Variants in BDH1 observed in about 807,000 individuals in gnomAD.
BDH1 encodes the protein D-beta-hydroxybutyrate dehydrogenase, mitochondrial.
BDH1 carries 30 observed loss-of-function variants against 33.1 expected under a neutral mutation model. The ratio of observed to expected loss-of-function variants is 0.91; its 90% CI spans 0.68 to 1.23. The LOEUF (loss-of-function observed/expected upper bound fraction) is 1.23, where lower values mean the gene tolerates loss of function less well. Among genes scored for constraint, BDH1 ranks in the 50% most tolerant of loss-of-function variants. The pLI, the probability that BDH1 is intolerant of heterozygous loss-of-function variation, is 0.00. For synonymous variants in BDH1, 190 were observed against 183.6 expected (o/e 1.03, Z -0.28); for missense variants, 443 against 464.4 (o/e 0.95, Z 0.42).
chr3:197,556,561 G>C (rs149191631), upstream of BDH1, among the ~76,000 whole-genome samples: 662 of 152,306 alleles, frequency 4.3e-3, 5 homozygotes, highest in African/African-American at 0.015. Flanking sequence ...CCAGCTACTC[G>C]GGAGGCTGAG....
At chr3:197,513,338 A>T (rs1367174523) in intron 7 of BDH1, among the ~76,000 whole-genome samples, 2 of 148,324 alleles carry the variant, frequency 1.3e-5, no homozygotes, top group African/African-American at 5.0e-5. Flanking sequence ...CACTCAGCCC[A>T]TCCAGGTGTG....
At chr3:197,563,601 A>C (rs1717336930) in intron 1 of BDH1, among the ~76,000 whole-genome samples, 1 of 152,244 alleles carries the variant, frequency 6.6e-6, no homozygotes, top group Non-Finnish European at 1.5e-5. Context: ...AGACAAACTC[A>C]TAATTTAGAA....
At chr3:197,512,641 C>A (rs769448086) in intron 7 of BDH1, among the ~76,000 whole-genome samples, 4 of 152,240 alleles carry the variant, frequency 2.6e-5, no homozygotes, top group Non-Finnish European at 4.4e-5. Context: ...ACTCAAAAAC[C>A]AGATCAAGCC....
intron 1 of BDH1, among the ~76,000 whole-genome samples, chr3:197,567,665 G>A (rs1035431768): frequency 3.3e-5 from 5 of 152,132 alleles, no homozygotes; most frequent in South Asian, 2.1e-4. Context: ...CTCAACCTTC[G>A]CAAAATAAAC....
chr3:197,570,680 T>C (rs1461343821), intron 1 of BDH1, among the ~76,000 whole-genome samples: 4 of 152,174 alleles, frequency 2.6e-5, no homozygotes, highest in South Asian at 2.1e-4. Context: ...AAGTCAAGAA[T>C]TGAGGATTGG....
chr3:197,516,566 A>G lies in BDH1; in HGVS notation c.410-2150T>C, dbSNP rs1712749666. ...ACATCCCCAAGATCGCCTCCGCACCAGTGGCCCCTCAGTTCTCCTTGGGAG... is the reference window on the plus strand; with the variant it reads ...ACATCCCCAAGATCGCCTCCGCACCGGTGGCCCCTCAGTTCTCCTTGGGAG... On this transcript the variant is annotated intron_variant, in intron 6 of 7. Coordinates refer to ENST00000392379, the MANE Select transcript of BDH1 (RefSeq NM_203314.3). The surrounding 1 kb of genome is among the most constrained non-coding windows in gnomAD (Gnocchi z 4.2). Among the ~76,000 whole-genome samples the G allele has an allele frequency of 6.6e-6, 1 of 152,002 alleles. No individual in the cohort carries two copies. The highest frequency in any genetic ancestry group is 6.6e-5 in the Admixed American group (1 of 15,256).
At chr3:197,532,637 G>A (rs1579935952) in intron 4 of BDH1, 115 bp from the exon 5 acceptor site, 2 of 709,970 alleles carry the variant, frequency 2.8e-6, no homozygotes, top group East Asian at 2.7e-5. Context: ...CCCAAGCCTG[G>A]CCCTCCCTAC....
intron 2 of BDH1, among the ~76,000 whole-genome samples, chr3:197,553,644 C>A (rs13062106): frequency 0.034 from 5,170 of 151,990 alleles, 139 homozygotes; most frequent in Non-Finnish European, 0.049. Flanking sequence ...AGAGCAGAAG[C>A]AGGGAGACCC....
upstream of BDH1, among the ~76,000 whole-genome samples, chr3:197,557,192 C>T (rs1445449288): frequency 6.6e-6 from 1 of 152,202 alleles, no homozygotes; most frequent in African/African-American, 2.4e-5. The surrounding 1 kb of genome is among the most constrained non-coding windows in gnomAD (Gnocchi z 4.6). Context: ...CTCATGTCTC[C>T]CTAAAATGTA....
rs1711954840 is a variant in BDH1, at chr3:197,510,904, T to C, written c.*991A>G. ...CTTATCCCCTTAGCCAGAGAGCACC[T>C]CCACACAAGTCTATCCTGAGTCCTA... On this transcript the variant is annotated 3_prime_UTR_variant, in exon 8 of 8. Coordinates refer to ENST00000392379, the MANE Select transcript of BDH1 (RefSeq NM_203314.3). 1 of 152,030 alleles carries C rather than the reference T, an allele frequency of 6.6e-6. No individual in the cohort carries two copies. The highest frequency in any genetic ancestry group is 2.4e-5 in the African/African-American group (1 of 41,254). 9.4% of individuals were successfully genotyped at this position (152,030 alleles called of 1,614,324 possible). A position where few individuals can be genotyped will look rare whatever the true frequency, so the allele number is the denominator to read the frequency against.
At chr3:197,536,102 A>T (rs1715131231) in intron 3 of BDH1, among the ~76,000 whole-genome samples, 1 of 152,086 alleles carries the variant, frequency 6.6e-6, no homozygotes, top group African/African-American at 2.4e-5. Flanking sequence ...ATGATCCATT[A>T]ATTTTTGTAT....
intron 3 of BDH1, among the ~76,000 whole-genome samples, chr3:197,545,369 C>T (rs1715986006): frequency 6.6e-6 from 1 of 152,202 alleles, no homozygotes; most frequent in African/African-American, 2.4e-5. Flanking sequence ...TAACTGATTT[C>T]ATGCATAAAG....
At position 197,526,003 on chromosome 3, in the gene BDH1, G is replaced by A. The variant is rs1194832795; in HGVS notation, c.268-3222C>T. ...CCGCTGTGTTGGTGCGTGTGCAACT[G>A]GCTTATTGATAAACCCACTTCTTTA... On this transcript the variant is annotated intron_variant, in intron 5 of 7. Transcript: ENST00000392379. This position sits in a 1 kb window ranked among gnomAD's most constrained non-coding sequence, Gnocchi z 4.7. Among the ~76,000 whole-genome samples the A allele has an allele frequency of 6.6e-6, 1 of 152,204 alleles. No homozygotes were observed. The highest frequency in any genetic ancestry group is 2.4e-5 in the African/African-American group (1 of 41,446).
rs1385910902 is a variant in BDH1 at position 197,520,998 on chromosome 3, C to T, written c.409+1642G>A. 6.6e-6 allele frequency among the ~76,000 whole-genome samples: 1 copy of T among 152,182 alleles called. No individual in the cohort carries two copies. The highest frequency in any genetic ancestry group is 1.5e-5 in the Non-Finnish European group (1 of 68,030). ...GAGCGGCATCACCGACAGCCACACACGCAGCCTCTGAGGCAGCTGCTGTGA... is the reference window on the plus strand; with the variant it reads ...GAGCGGCATCACCGACAGCCACACATGCAGCCTCTGAGGCAGCTGCTGTGA... On this transcript the variant is annotated intron_variant, in intron 6 of 7. Transcript: ENST00000392379. The surrounding 1 kb of genome is among the most constrained non-coding windows in gnomAD (Gnocchi z 6.0).
chr3:197,517,085 A>G (rs1249416496), intron 6 of BDH1, among the ~76,000 whole-genome samples: 1 of 151,836 alleles, frequency 6.6e-6, no homozygotes, highest in Non-Finnish European at 1.5e-5. Context: ...TCCTGTTTCC[A>G]CTAGCATTCC....
rs1324220248 is a variant in BDH1 at position 197,522,399 on chromosome 3, A to G, written c.409+241T>C. On this transcript the variant is annotated intron_variant, in intron 6 of 7. Transcript: ENST00000392379. The surrounding 1 kb of genome is among the most constrained non-coding windows in gnomAD (Gnocchi z 4.8). ...GGCATTGGCTGAACTGACCTGAATC[A>G]GTGCGTAGCCACCTAGCACTCCGTG... 6.6e-6 allele frequency among the ~76,000 whole-genome samples: 1 copy of G among 152,194 alleles called. No individual in the cohort carries two copies. Among genetic ancestry groups the G allele is most frequent in the Non-Finnish European group, 1.5e-5 (1 of 68,028 alleles).
At chr3:197,527,286 A>G (rs975015768) in intron 5 of BDH1, among the ~76,000 whole-genome samples, 2 of 152,248 alleles carry the variant, frequency 1.3e-5, no homozygotes, top group African/African-American at 2.4e-5. Context: ...AAGTGTTACG[A>G]GCAAGGGTGG....
chr3:197,558,234 C>A (rs1717140794), upstream of BDH1, among the ~76,000 whole-genome samples: 1 of 152,196 alleles, frequency 6.6e-6, no homozygotes, highest in Admixed American at 6.5e-5. Context: ...ACCTGGTATT[C>A]TGCGTCTCTG....
rs184333261 is a variant in BDH1 at position 197,567,404 on chromosome 3, C to T, written c.-44+5777G>A. ...GAGAAAAATGCATATCTAATTGCCT[C>T]CTTTGGAAAGGCTAATCAGAAACTC... On this transcript the variant is annotated intron_variant, in intron 1 of 6. Coordinates refer to the BDH1 transcript ENST00000358186. 3.3e-5 allele frequency among the ~76,000 whole-genome samples: 5 copies of T among 152,242 alleles called. No individual in the cohort carries two copies. The East Asian group carries it at 9.6e-4, about 29-fold the overall frequency.
Sources: allele counts gnomAD v4.1 joint callset (sites outside exome capture counted in the v4.1 genomes callset), GRCh38; gene constraint gnomAD v4.1.1; non-coding constraint Gnocchi (gnomAD v3.1); transcripts MANE v1.5; gene names NCBI Gene and HGNC (gene_info 2026-07-23, HGNC 2026-07-21).